C7orf78: variants seen among roughly 807,000 people sequenced by gnomAD.
C7orf78 encodes putative uncharacterized protein C7orf78.
chr7:12,509,026 C>T, the C7orf78 span, among the ~76,000 whole-genome samples: 2 of 152,144 alleles, frequency 1.3e-5, no homozygotes, highest in African/African-American at 4.8e-5. Context: ...AAGTGTAATG[C>T]ATTTGAATCA....
At chr7:12,514,934 A>G in the C7orf78 span, among the ~76,000 whole-genome samples, 1,211 of 152,262 alleles carry the variant, frequency 8.0e-3, 19 homozygotes, top group African/African-American at 0.027. Flanking sequence ...TAGCACTCTG[A>G]ACACATCATC....
the C7orf78 span, chr7:12,492,012 G>A: frequency 6.6e-6 from 1 of 152,150 alleles, no homozygotes; most frequent in Non-Finnish European, 1.5e-5. Flanking sequence ...TGAAGAAGAA[G>A]AACAATGTGA....
the C7orf78 span, among the ~76,000 whole-genome samples, chr7:12,512,882 T>G: frequency 6.6e-6 from 1 of 152,166 alleles, no homozygotes; most frequent in Non-Finnish European, 1.5e-5. Context: ...TTTTCTATTC[T>G]TCCTGATTTA....
chr7:12,505,650 T>G, the C7orf78 span, among the ~76,000 whole-genome samples: 1 of 152,214 alleles, frequency 6.6e-6, no homozygotes, highest in South Asian at 2.1e-4. Flanking sequence ...AAGCAACATT[T>G]ACTATTAAAT....
chr7:12,511,868 C>T, the C7orf78 span, among the ~76,000 whole-genome samples: 48 of 150,996 alleles, frequency 3.2e-4, no homozygotes, highest in East Asian at 7.2e-3. Flanking sequence ...TCTCCTGCCT[C>T]AGCCTCCCGA....
chr7:12,517,160 T>A, the C7orf78 span, among the ~76,000 whole-genome samples: 4 of 152,072 alleles, frequency 2.6e-5, no homozygotes, highest in Non-Finnish European at 4.4e-5. Flanking sequence ...ATAATTTGAA[T>A]CATGGGTGCA....
chr7:12,496,604 G>T, the C7orf78 span: 1 of 152,036 alleles, frequency 6.6e-6, no homozygotes, highest in East Asian at 1.9e-4. Context: ...AAATCACTTG[G>T]CATTTAGCAC....
the C7orf78 span, among the ~76,000 whole-genome samples, chr7:12,503,100 G>C: frequency 2.2e-5 from 3 of 139,420 alleles, no homozygotes; most frequent in Non-Finnish European, 1.5e-5. Flanking sequence ...GGGGTAGGGG[G>C]GAGGGATAGC....
At chr7:12,492,426 G>C in the C7orf78 span, among the ~76,000 whole-genome samples, 10 of 152,288 alleles carry the variant, frequency 6.6e-5, no homozygotes, top group South Asian at 1.9e-3. Context: ...ATTTTTCAAA[G>C]AGATTCAAAT....
the C7orf78 span, among the ~76,000 whole-genome samples, chr7:12,526,205 C>T: frequency 6.6e-6 from 1 of 152,092 alleles, no homozygotes; most frequent in Non-Finnish European, 1.5e-5. Flanking sequence ...ATCTTGGCTT[C>T]ACTGCCCCAA....
chr7:12,491,180 T>C, the C7orf78 span: 6 of 152,202 alleles, frequency 3.9e-5, no homozygotes, highest in Non-Finnish European at 8.8e-5. Flanking sequence ...GGATTTCTTA[T>C]CATTGTTAAC....
chr7:12,523,591 C>T, the C7orf78 span, among the ~76,000 whole-genome samples: 1 of 152,066 alleles, frequency 6.6e-6, no homozygotes, highest in African/African-American at 2.4e-5. Flanking sequence ...ATACAATTCA[C>T]ATTTAGCAAT....
the C7orf78 span, among the ~76,000 whole-genome samples, chr7:12,515,015 G>T: frequency 2.6e-4 from 39 of 152,204 alleles, no homozygotes; most frequent in African/African-American, 9.4e-4. Context: ...AACTTTATAG[G>T]TAACTAGAAG....
At chr7:12,541,679 GAAAAGA>G in the C7orf78 span, 1 of 151,664 alleles carries the variant, frequency 6.6e-6, no homozygotes, top group East Asian at 1.9e-4. Context: ...AAAAAGAAAA[GAAAAGA>G]AAAAGAGTAT....
At chr7:12,511,484 T>C in the C7orf78 span, among the ~76,000 whole-genome samples, 24 of 152,230 alleles carry the variant, frequency 1.6e-4, no homozygotes, top group Non-Finnish European at 2.8e-4. Flanking sequence ...ATTTTAATGA[T>C]ATTGATTCTT....
chr7:12,524,420 A>G, the C7orf78 span, among the ~76,000 whole-genome samples: 7 of 152,208 alleles, frequency 4.6e-5, no homozygotes, highest in Non-Finnish European at 1.0e-4. Flanking sequence ...TTTCATTCAT[A>G]GTAAATAATA....
At chr7:12,536,047 T>C in the C7orf78 span, among the ~76,000 whole-genome samples, 1 of 152,160 alleles carries the variant, frequency 6.6e-6, no homozygotes, top group Non-Finnish European at 1.5e-5. Flanking sequence ...AATCTACCAT[T>C]CTGGGGTCTG....
At chr7:12,536,535 C>T in the C7orf78 span, among the ~76,000 whole-genome samples, 1 of 152,148 alleles carries the variant, frequency 6.6e-6, no homozygotes, top group African/African-American at 2.4e-5. Flanking sequence ...GACATTTCCC[C>T]CATTGTCTTG....
the C7orf78 span, among the ~76,000 whole-genome samples, chr7:12,529,312 C>G: frequency 6.6e-6 from 1 of 152,138 alleles, no homozygotes; most frequent in African/African-American, 2.4e-5. Flanking sequence ...AGCATGGCTT[C>G]TGAGATCAGA....
Sources: allele counts gnomAD v4.1 joint callset (sites outside exome capture counted in the v4.1 genomes callset), GRCh38; gene constraint gnomAD v4.1.1; transcripts MANE v1.5; gene names NCBI Gene and HGNC (gene_info 2026-07-23, HGNC 2026-07-21).